The following TGFBR3 variants were observed in gnomAD, a reference collection of about 807,000 sequenced individuals.
The protein encoded by TGFBR3 is transforming growth factor beta receptor type 3.
A neutral mutation model predicts 87.9 loss-of-function variants in TGFBR3; 46 were observed. The observed-to-expected ratio is 0.52, with a 90% CI of 0.41 to 0.67. TGFBR3 has a LOEUF of 0.67. Ranked by LOEUF, TGFBR3 falls within the 30% of genes least tolerant of loss-of-function variation. The pLI is 0.00. For synonymous variants in TGFBR3, 381 were observed against 391.6 expected (o/e 0.97, Z 0.32); for missense variants, 866 against 1,041.9 (o/e 0.83, Z 2.32).
At chr1:91,757,337 G>A (rs918651989) in intron 4 of TGFBR3, among the ~76,000 whole-genome samples, 10 of 152,326 alleles carry the variant, frequency 6.6e-5, no homozygotes, top group Admixed American at 3.9e-4. Flanking sequence ...GGCACACAGC[G>A]TCCATCTGCC....
intron 4 of TGFBR3, among the ~76,000 whole-genome samples, chr1:91,742,015 C>T (rs1385370166): frequency 6.6e-6 from 1 of 152,166 alleles, no homozygotes; most frequent in African/African-American, 2.4e-5. Flanking sequence ...AAGAACTACT[C>T]ACAGTTGTAG....
At position 91,740,179 on chromosome 1, in the gene TGFBR3, C is replaced by T. The variant is rs1441098082; in HGVS notation, c.385-5220G>A. ...GGTTCAAGAGATTATTCTGCCTTAG[C>T]CTCCCGAGTAGCTGGGATTACAGGC... On this transcript the variant is annotated intron_variant, in intron 4 of 16. Transcript: ENST00000212355. 2.6e-5 allele frequency among the ~76,000 whole-genome samples: 4 copies of T among 152,138 alleles called. No individual in the cohort carries two copies. The East Asian group carries it at 7.7e-4, about 29-fold the overall frequency.
intron 4 of TGFBR3, among the ~76,000 whole-genome samples, chr1:91,754,266 T>A (rs182855289): frequency 4.3e-4 from 65 of 152,342 alleles, no homozygotes; most frequent in African/African-American, 1.4e-3. Flanking sequence ...AGTTAAGTTA[T>A]CTTACTTTTT....
At chr1:91,767,571 T>A (rs1363201313) in intron 3 of TGFBR3, among the ~76,000 whole-genome samples, 2 of 133,128 alleles carry the variant, frequency 1.5e-5, no homozygotes, top group African/African-American at 5.6e-5. Flanking sequence ...ATCTAATTAC[T>A]CCCATCTTAA....
upstream of TGFBR3, among the ~76,000 whole-genome samples, chr1:91,890,409 C>CTTTTTTTTTTTTT (rs1175619952): frequency 8.1e-4 from 49 of 60,388 alleles, 11 homozygotes; most frequent in African/African-American, 1.3e-3. Context: ...TCTCTATAAT[C>CTTTTTTTTTTTTT]TTTTTTTTTT....
At chr1:91,800,735 T>A (rs1418808744) in intron 2 of TGFBR3, among the ~76,000 whole-genome samples, 1 of 151,436 alleles carries the variant, frequency 6.6e-6, no homozygotes, top group Non-Finnish European at 1.5e-5. Context: ...TCTACCACCA[T>A]CCCCAGGGTC....
At chr1:91,780,799 C>G (rs1674735858) in intron 3 of TGFBR3, among the ~76,000 whole-genome samples, 2 of 151,240 alleles carry the variant, frequency 1.3e-5, no homozygotes, top group Non-Finnish European at 2.9e-5. Flanking sequence ...CTCAGGTAAC[C>G]CACCCGCCTC....
intron 3 of TGFBR3, among the ~76,000 whole-genome samples, chr1:91,762,796 A>C (rs1250394093): frequency 6.6e-6 from 1 of 152,246 alleles, no homozygotes; most frequent in Non-Finnish European, 1.5e-5. Flanking sequence ...TTACCTGTGC[A>C]ATGCAACAAA....
chr1:91,867,795 G>A (rs1678441718), intron 1 of TGFBR3, among the ~76,000 whole-genome samples: 1 of 152,116 alleles, frequency 6.6e-6, no homozygotes, highest in African/African-American at 2.4e-5. Context: ...GTGTTACATT[G>A]GAAAAGTCAT....
intron 3 of TGFBR3, among the ~76,000 whole-genome samples, chr1:91,780,551 CTTTTTTTTTTTT>C (rs60294904): frequency 1.3e-5 from 1 of 77,166 alleles, no homozygotes; most frequent in Non-Finnish European, 2.3e-5. Flanking sequence ...GGGTCTAAGG[CTTTTTTTTTTTT>C]TTTTTTTTTT....
intron 3 of TGFBR3, among the ~76,000 whole-genome samples, chr1:91,789,115 G>A (rs779630265): frequency 9.2e-5 from 14 of 152,160 alleles, no homozygotes; most frequent in Non-Finnish European, 1.2e-4. Flanking sequence ...GGCCAACATG[G>A]TGAAACCCCG....
intron 5 of TGFBR3, among the ~76,000 whole-genome samples, chr1:91,731,306 C>A (rs1672758713): frequency 6.6e-6 from 1 of 152,128 alleles, no homozygotes; most frequent in South Asian, 2.1e-4. Context: ...CTGAGGTCCG[C>A]AGCACACACT....
At position 91,732,731 on chromosome 1, in the gene TGFBR3, C is replaced by T. The variant is rs531456940; in HGVS notation, c.568+2045G>A. ...GGCTGGAGTCAAGTTTCAGGGGTTC[C>T]GAAGGTGTTACCAAGGAGTTAACAG... On this transcript the variant is annotated intron_variant, in intron 5 of 16. Transcript: ENST00000212355. Among the ~76,000 whole-genome samples, 22 of 152,206 alleles carry T rather than the reference C, an allele frequency of 1.4e-4. No individual in the cohort carries two copies. In the South Asian group the frequency reaches 2.3e-3, roughly 16 times the overall value.
At chr1:91,892,273 C>T (rs1387239146) in intron 2 of TGFBR3, among the ~76,000 whole-genome samples, 2 of 152,056 alleles carry the variant, frequency 1.3e-5, no homozygotes, top group South Asian at 2.1e-4. Flanking sequence ...GTGGCAGGAC[C>T]TTGCTCTCCC....
In TGFBR3 at chr1:91,809,386, T is replaced by C. The variant is rs17880602; in HGVS notation, c.62-11915A>G. On this transcript the variant is annotated intron_variant, in intron 2 of 16. Transcript: ENST00000212355. ...CTGGTGAGCATTCTGTTAGGGCTGG[T>C]GGCCAGGGTCTGGGGTGCAGAGTCT... Among the ~76,000 whole-genome samples, 72 of 152,256 alleles carry C rather than the reference T, an allele frequency of 4.7e-4. 2 individuals are homozygous for C. The East Asian group carries it at 0.014, about 29-fold the overall frequency.
intron 1 of TGFBR3, among the ~76,000 whole-genome samples, chr1:91,882,884 A>G (rs184255661): frequency 2.6e-5 from 4 of 152,194 alleles, no homozygotes; most frequent in African/African-American, 4.8e-5. Flanking sequence ...CTGAACTACT[A>G]CTATACTTGA....
intron 1 of TGFBR3, among the ~76,000 whole-genome samples, chr1:91,901,942 GA>G (rs200556745): frequency 0.082 from 9,976 of 121,974 alleles, 373 homozygotes; most frequent in African/African-American, 0.12. Flanking sequence ...CCCACCAAAA[GA>G]AAAAAAAAAA....
chr1:91,749,654 T>C (rs1304240078), intron 4 of TGFBR3, among the ~76,000 whole-genome samples: 1 of 152,092 alleles, frequency 6.6e-6, no homozygotes, highest in African/African-American at 2.4e-5. Context: ...CTGGAGTTGC[T>C]TTCTGAGATG....
At chr1:91,831,793 T>C (rs527619577) in intron 2 of TGFBR3, among the ~76,000 whole-genome samples, 7 of 152,150 alleles carry the variant, frequency 4.6e-5, no homozygotes, top group Non-Finnish European at 8.8e-5. Flanking sequence ...CACGTAACAA[T>C]TAATTACCTC....
Sources: gnomAD v4.1 joint callset for allele counts (sites outside exome capture counted in the v4.1 genomes callset) on GRCh38, gnomAD v4.1.1 for gene constraint, MANE v1.5 for transcripts, NCBI Gene and HGNC (gene_info 2026-07-23, HGNC 2026-07-21) for gene names.